GALNTL6: variants seen among roughly 807,000 people sequenced by gnomAD.
GALNTL6 encodes polypeptide N-acetylgalactosaminyltransferase like 6.
In GALNTL6, 46 loss-of-function variants were observed where a neutral mutation model predicts 73.7. The observed-to-expected ratio is 0.62, with a 90% CI of 0.49 to 0.80. The LOEUF (loss-of-function observed/expected upper bound fraction) is 0.80, where lower values mean the gene tolerates loss of function less well. Ranked by LOEUF, GALNTL6 falls within the 30% of genes least tolerant of loss-of-function variation. The pLI is 0.00. For synonymous variants in GALNTL6, 259 were observed against 263.7 expected, an observed-to-expected ratio of 0.98 and a Z score of 0.17; for missense variants, 604 against 755.0, an observed-to-expected ratio of 0.80 and a Z score of 2.34.
intron 5 of GALNTL6, among the ~76,000 whole-genome samples, chr4:172,489,705 G>T (rs932861081): frequency 1.3e-5 from 2 of 152,074 alleles, no homozygotes; most frequent in African/African-American, 4.8e-5. Context: ...CAATGCAAAG[G>T]CACACCTACA....
At position 172,606,427 on chromosome 4, in the gene GALNTL6, G is replaced by T. The variant is rs1181853298; in HGVS notation, c.554-202934G>T. Among the ~76,000 whole-genome samples, 3 of 146,098 alleles carry T rather than the reference G, an allele frequency of 2.1e-5. No individual in the cohort carries two copies. In the Admixed American group the frequency reaches 2.1e-4, roughly 10 times the overall value. On this transcript the variant is annotated intron_variant, in intron 5 of 12. Coordinates refer to ENST00000506823, the MANE Select transcript of GALNTL6 (RefSeq NM_001034845.3). ...CAAAATCGCGCCATTGCATTCCAGCGTGGGCAACAGGAGCGAAACTCTGTC... is the reference window on the plus strand; with the variant it reads ...CAAAATCGCGCCATTGCATTCCAGCTTGGGCAACAGGAGCGAAACTCTGTC...
intron 5 of GALNTL6, among the ~76,000 whole-genome samples, chr4:172,712,190 A>G (rs911486889): frequency 1.3e-5 from 2 of 152,216 alleles, no homozygotes; most frequent in Non-Finnish European, 2.9e-5. Context: ...ACTCTAAGAA[A>G]AAAACTTGCT....
chr4:172,811,211 A>T (rs1412645802), intron 6 of GALNTL6, among the ~76,000 whole-genome samples: 1 of 152,110 alleles, frequency 6.6e-6, no homozygotes, highest in Non-Finnish European at 1.5e-5. Context: ...GTTTCCCATT[A>T]AGTCTGTTTG....
intron 2 of GALNTL6, among the ~76,000 whole-genome samples, chr4:172,128,320 G>T (rs550982219): frequency 6.6e-6 from 1 of 152,032 alleles, no homozygotes; most frequent in South Asian, 2.1e-4. Flanking sequence ...ATCCCTTAAG[G>T]AGTTTTGAGC....
chr4:172,038,582 C>A (rs1172385288), intron 2 of GALNTL6, among the ~76,000 whole-genome samples: 5 of 152,144 alleles, frequency 3.3e-5, no homozygotes, highest in South Asian at 2.1e-4. Context: ...CTTTAGTCCA[C>A]AAATTAATAC....
intron 5 of GALNTL6, among the ~76,000 whole-genome samples, chr4:172,410,022 C>T (rs1392332556): frequency 6.6e-6 from 1 of 151,918 alleles, no homozygotes; most frequent in Non-Finnish European, 1.5e-5. Context: ...TCTACTTTTA[C>T]ATGTTATGCT....
chr4:172,769,173 C>T (rs186003777), intron 5 of GALNTL6, among the ~76,000 whole-genome samples: 144 of 152,062 alleles, frequency 9.5e-4, no homozygotes, highest in African/African-American at 3.3e-3. Context: ...TCTAGGCCTA[C>T]GGAGCCACTG....
intron 2 of GALNTL6, among the ~76,000 whole-genome samples, chr4:172,067,846 G>A (rs1469632230): frequency 9.1e-6 from 1 of 110,234 alleles, no homozygotes; most frequent in East Asian, 2.1e-4. Context: ...GCTTTCATTG[G>A]GCTGATTAGT....
rs188481299 is a variant in GALNTL6, at chr4:171,921,305, G to A, written c.138+106587G>A. On this transcript the variant is annotated intron_variant, in intron 2 of 12. Coordinates refer to ENST00000506823, the MANE Select transcript of GALNTL6 (RefSeq NM_001034845.3). Reference sequence around the variant, plus strand: ...CGACCATGTTTTTGTTTTGCTTTTAGGATAAAAATACAAAGTGTATTGATC... The same window carrying A: ...CGACCATGTTTTTGTTTTGCTTTTAAGATAAAAATACAAAGTGTATTGATC... Among the ~76,000 whole-genome samples the A allele has an allele frequency of 8.9e-4, 136 of 152,080 alleles. 1 individual carries two copies. Among genetic ancestry groups the A allele is most frequent in the African/African-American group, 3.1e-3 (130 of 41,508 alleles).
At chr4:172,733,436 C>A (rs1329723689) in intron 5 of GALNTL6, among the ~76,000 whole-genome samples, 1 of 151,866 alleles carries the variant, frequency 6.6e-6, no homozygotes, top group East Asian at 1.9e-4. Context: ...GCCGAAATCT[C>A]GTCTTGAATT....
intron 5 of GALNTL6, among the ~76,000 whole-genome samples, chr4:172,434,571 AT>A (rs1731567618): frequency 6.6e-6 from 1 of 152,158 alleles, no homozygotes; most frequent in East Asian, 1.9e-4. Context: ...TTTGTAGACA[AT>A]AAATTGTATT....
At chr4:172,827,735 G>A (rs1742342611) in intron 7 of GALNTL6, among the ~76,000 whole-genome samples, 1 of 152,094 alleles carries the variant, frequency 6.6e-6, no homozygotes, top group African/African-American at 2.4e-5. Context: ...ATTCTTGGTG[G>A]TGCACTGCCT....
At chr4:172,698,901 C>T (rs761273741) in intron 5 of GALNTL6, among the ~76,000 whole-genome samples, 56 of 152,258 alleles carry the variant, frequency 3.7e-4, no homozygotes, top group Non-Finnish European at 6.5e-4. Flanking sequence ...TTTCCTCCCA[C>T]GCCTTTTTTG....
intron 10 of GALNTL6, among the ~76,000 whole-genome samples, chr4:172,971,726 T>A (rs941196050): frequency 6.6e-6 from 1 of 152,160 alleles, no homozygotes; most frequent in African/African-American, 2.4e-5. Context: ...ATAAATAATA[T>A]TAGTGTAAAG....
chr4:172,685,937 C>T (rs1409478440), intron 5 of GALNTL6, among the ~76,000 whole-genome samples: 1 of 152,010 alleles, frequency 6.6e-6, no homozygotes, highest in East Asian at 1.9e-4. Context: ...GCCATCTGTC[C>T]AAGTTAGATA....
chr4:171,934,966 A>G (rs886696337), intron 2 of GALNTL6, among the ~76,000 whole-genome samples: 1 of 152,126 alleles, frequency 6.6e-6, no homozygotes, highest in African/African-American at 2.4e-5. Context: ...CAATGATCCC[A>G]AACCCTAGAG....
chr4:172,261,479 A>G (rs536547547), intron 3 of GALNTL6, among the ~76,000 whole-genome samples: 2 of 151,564 alleles, frequency 1.3e-5, no homozygotes, highest in Admixed American at 6.6e-5. Flanking sequence ...CATTGAGACT[A>G]TTTGGATCTT....
intron 2 of GALNTL6, among the ~76,000 whole-genome samples, chr4:172,063,754 C>G (rs1731278768): frequency 6.6e-6 from 1 of 152,102 alleles, no homozygotes; most frequent in Admixed American, 6.6e-5. Context: ...GTTGGGCTTT[C>G]TAAACTTTAT....
At chr4:171,884,329 C>T (rs376084707) in intron 2 of GALNTL6, among the ~76,000 whole-genome samples, 35 of 152,086 alleles carry the variant, frequency 2.3e-4, no homozygotes, top group African/African-American at 6.7e-4. Flanking sequence ...TATTTATTAC[C>T]GACTATGTTT....
Sources: allele counts gnomAD v4.1 joint callset (sites outside exome capture counted in the v4.1 genomes callset), GRCh38; gene constraint gnomAD v4.1.1; transcripts MANE v1.5; gene names NCBI Gene and HGNC (gene_info 2026-07-23, HGNC 2026-07-21).